MACROD2: variants seen among roughly 807,000 people sequenced by gnomAD.
MACROD2 encodes the protein mono-ADP ribosylhydrolase 2.
In MACROD2, 36 loss-of-function variants were observed where a neutral mutation model predicts 70.4. That is an observed-to-expected ratio of 0.51 (90% CI 0.39 to 0.68). The LOEUF (loss-of-function observed/expected upper bound fraction) is 0.68. Among genes scored for constraint, MACROD2 ranks in the 30% least tolerant of loss-of-function variants. The pLI is 0.00. For missense variants in MACROD2, 496 were observed against 538.4 expected, an observed-to-expected ratio of 0.92 and a Z score of 0.78; for synonymous variants, 172 against 178.8, an observed-to-expected ratio of 0.96 and a Z score of 0.30.
intron 5 of MACROD2, among the ~76,000 whole-genome samples, chr20:14,951,440 A>G (rs1051863210): frequency 6.6e-6 from 1 of 152,092 alleles, no homozygotes; most frequent in Non-Finnish European, 1.5e-5. Flanking sequence ...AGAGCACTCT[A>G]TTGAGAAGTA....
chr20:15,190,026 A>G (rs1390546226), intron 5 of MACROD2, among the ~76,000 whole-genome samples: 1 of 152,140 alleles, frequency 6.6e-6, no homozygotes, highest in Non-Finnish European at 1.5e-5. Context: ...AGGCTCAAAT[A>G]CATACTACTT....
chr20:15,648,734 G>A (rs983599433), intron 8 of MACROD2, among the ~76,000 whole-genome samples: 1 of 152,108 alleles, frequency 6.6e-6, no homozygotes, highest in African/African-American at 2.4e-5. Context: ...TGGATGGATG[G>A]ATGGATGGAT....
At chr20:15,834,067 C>A (rs941684391) in intron 8 of MACROD2, among the ~76,000 whole-genome samples, 17 of 152,186 alleles carry the variant, frequency 1.1e-4, no homozygotes, top group Admixed American at 2.0e-4. Context: ...TTGAATACTG[C>A]AATTCAGTGA....
chr20:15,430,456 A>T (rs573025041), intron 6 of MACROD2, among the ~76,000 whole-genome samples: 5 of 152,116 alleles, frequency 3.3e-5, no homozygotes, highest in South Asian at 2.1e-4. Context: ...TCCTTTTACA[A>T]TTGAAAAATA....
intron 6 of MACROD2, among the ~76,000 whole-genome samples, chr20:15,427,734 C>T (rs2046317200): frequency 6.6e-6 from 1 of 152,156 alleles, no homozygotes; most frequent in African/African-American, 2.4e-5. Context: ...CTGTCCTGAG[C>T]AGGAGCATGA....
At chr20:14,919,457 A>G (rs1309966057) in intron 5 of MACROD2, among the ~76,000 whole-genome samples, 2 of 152,242 alleles carry the variant, frequency 1.3e-5, no homozygotes, top group Non-Finnish European at 2.9e-5. Context: ...TCATAACCAC[A>G]TTTAACTACC....
chr20:15,931,301 T>C (rs1242860113), intron 10 of MACROD2, among the ~76,000 whole-genome samples: 2 of 152,134 alleles, frequency 1.3e-5, no homozygotes, highest in Non-Finnish European at 2.9e-5. Flanking sequence ...AAATATGCCA[T>C]TTAGAACACT....
intron 3 of MACROD2, among the ~76,000 whole-genome samples, chr20:14,196,007 C>T (rs1188837061): frequency 6.6e-6 from 1 of 152,164 alleles, no homozygotes; most frequent in Non-Finnish European, 1.5e-5. Context: ...CCGTGTAACA[C>T]ACACCCACTG....
chr20:14,405,486 A>G (rs1259574450), intron 3 of MACROD2, among the ~76,000 whole-genome samples: 1 of 152,200 alleles, frequency 6.6e-6, no homozygotes, highest in African/African-American at 2.4e-5. Flanking sequence ...ACGGGAGTCC[A>G]GTAGGCTATT....
intron 3 of MACROD2, among the ~76,000 whole-genome samples, chr20:14,132,262 G>A (rs1379409020): frequency 2.6e-5 from 4 of 151,636 alleles, no homozygotes; most frequent in East Asian, 1.9e-4. Context: ...TGTCTAGGTT[G>A]GTCTTGAACT....
At chr20:15,172,604 C>T (rs536294420) in intron 5 of MACROD2, among the ~76,000 whole-genome samples, 1 of 151,978 alleles carries the variant, frequency 6.6e-6, no homozygotes, top group Non-Finnish European at 1.5e-5. Flanking sequence ...GAGATGGGAT[C>T]TCACTATATT....
intron 10 of MACROD2, among the ~76,000 whole-genome samples, chr20:15,888,134 C>G (rs1476332332): frequency 6.6e-6 from 1 of 152,148 alleles, no homozygotes; most frequent in Non-Finnish European, 1.5e-5. Context: ...GCTTAAAACT[C>G]AAACCCTTCT....
At chr20:14,716,726 T>TA (rs1013589100) in intron 5 of MACROD2, among the ~76,000 whole-genome samples, 3 of 151,890 alleles carry the variant, frequency 2.0e-5, no homozygotes, top group African/African-American at 2.4e-5. Context: ...GTGAAGTGGG[T>TA]AAAAAAAATG....
intron 6 of MACROD2, among the ~76,000 whole-genome samples, chr20:15,283,017 C>T (rs994800513): frequency 2.0e-5 from 3 of 152,126 alleles, no homozygotes; most frequent in South Asian, 2.1e-4. Context: ...GGCAGCAGGA[C>T]GAAATAAGTG....
At chr20:14,874,862 C>G (rs1047163292) in intron 5 of MACROD2, among the ~76,000 whole-genome samples, 22 of 151,572 alleles carry the variant, frequency 1.5e-4, no homozygotes, top group African/African-American at 5.3e-4. Context: ...GCGCCACAAC[C>G]CCTGGCTAAT....
chr20:14,639,711 C>T (rs1004665881), intron 4 of MACROD2, among the ~76,000 whole-genome samples: 5 of 152,330 alleles, frequency 3.3e-5, no homozygotes, highest in African/African-American at 1.2e-4. Flanking sequence ...AGCAACTCTA[C>T]ACCATCAAAA....
At chr20:15,870,665 G>A (rs913858609) in intron 9 of MACROD2, among the ~76,000 whole-genome samples, 3 of 152,108 alleles carry the variant, frequency 2.0e-5, no homozygotes, top group Admixed American at 2.0e-4. Flanking sequence ...CCAGCACTTT[G>A]ATATTGGGCT....
intron 8 of MACROD2, among the ~76,000 whole-genome samples, chr20:15,842,020 G>T (rs6074956): frequency 0.87 from 131,477 of 151,958 alleles, 57,158 homozygotes; most frequent in East Asian, 0.99. Context: ...GGTTGGAAGA[G>T]GAGGTTGAAA....
chr20:14,281,866 C>T (rs1395371834), intron 3 of MACROD2, among the ~76,000 whole-genome samples: 3 of 138,578 alleles, frequency 2.2e-5, no homozygotes, highest in Non-Finnish European at 4.5e-5. Flanking sequence ...ACCCAGGAGG[C>T]GGAGGTTGCA....
Sources: gnomAD v4.1 joint callset for allele counts (sites outside exome capture counted in the v4.1 genomes callset) on GRCh38, gnomAD v4.1.1 for gene constraint, MANE v1.5 for transcripts, NCBI Gene and HGNC (gene_info 2026-07-23, HGNC 2026-07-21) for gene names.